The following TANC1 variants were observed in gnomAD, a reference collection of about 807,000 sequenced individuals.
TANC1 encodes the protein tetratricopeptide repeat, ankyrin repeat and coiled-coil containing 1.
In TANC1, 77 loss-of-function variants were observed where a neutral mutation model predicts 149.7. The ratio of observed to expected loss-of-function variants is 0.51; its 90% confidence interval spans 0.43 to 0.62. The LOEUF (loss-of-function observed/expected upper bound fraction) is 0.62. Among genes scored for constraint, TANC1 ranks in the 20% least tolerant of loss-of-function variants. The pLI is 0.00. For synonymous variants in TANC1, 854 were observed against 925.0 expected (o/e 0.92, Z 1.39); for missense variants, 1,985 against 2,321.8 (o/e 0.85, Z 2.98).
chr2:159,058,959 A>G (rs2042041020), intron 2 of TANC1, among the ~76,000 whole-genome samples: 1 of 152,184 alleles, frequency 6.6e-6, no homozygotes, highest in Admixed American at 6.5e-5. Context: ...GAACTTAAGC[A>G]TTTGATTTCC....
chr2:159,039,585 A>C (rs1297156005), intron 2 of TANC1, among the ~76,000 whole-genome samples: 1 of 152,078 alleles, frequency 6.6e-6, no homozygotes, highest in African/African-American at 2.4e-5. Flanking sequence ...AAACGTCTTT[A>C]TTTCTGCCTT....
At chr2:159,146,526 G>A (rs13024381) in intron 5 of TANC1, among the ~76,000 whole-genome samples, 35,232 of 145,084 alleles carry the variant, frequency 0.24, 5,262 homozygotes, top group Non-Finnish European at 0.35. Context: ...GAATTTGGGT[G>A]TCCCTTTTCC....
chr2:158,984,148 C>T (rs920846732), intron 1 of TANC1, among the ~76,000 whole-genome samples: 2 of 152,228 alleles, frequency 1.3e-5, no homozygotes, highest in Admixed American at 1.3e-4. Context: ...GAGCTTTTTA[C>T]ACTTTTCCTC....
intron 22 of TANC1, among the ~76,000 whole-genome samples, chr2:159,222,787 T>C (rs1380146740): frequency 6.6e-6 from 1 of 152,250 alleles, no homozygotes; most frequent in Non-Finnish European, 1.5e-5. Context: ...ATAGTGATTG[T>C]ATTTTTAATT....
intron 14 of TANC1, among the ~76,000 whole-genome samples, chr2:159,181,815 G>A (rs578040158): frequency 2.4e-4 from 37 of 152,230 alleles, no homozygotes; most frequent in African/African-American, 6.7e-4. Context: ...ATCTTAAGAC[G>A]ATGTACTACC....
chr2:159,069,012 A>G (rs939782371), intron 3 of TANC1, among the ~76,000 whole-genome samples: 2 of 152,202 alleles, frequency 1.3e-5, no homozygotes, highest in African/African-American at 4.8e-5. Flanking sequence ...AAGTGCTAGG[A>G]TTACAAATAT....
chr2:159,100,526 T>C (rs2046574890), intron 4 of TANC1, among the ~76,000 whole-genome samples: 1 of 152,256 alleles, frequency 6.6e-6, no homozygotes, highest in African/African-American at 2.4e-5. Flanking sequence ...TTAATAGTTC[T>C]GAAACATACA....
intron 19 of TANC1, among the ~76,000 whole-genome samples, chr2:159,199,403 C>T (rs935338157): frequency 3.3e-5 from 5 of 152,184 alleles, no homozygotes; most frequent in African/African-American, 4.8e-5. Context: ...CTGTGCATGG[C>T]GAGCCAGGCA....
At chr2:159,138,289 G>A (rs1308170848) in intron 5 of TANC1, among the ~76,000 whole-genome samples, 2 of 152,208 alleles carry the variant, frequency 1.3e-5, no homozygotes, top group East Asian at 3.8e-4. Context: ...AGCAGGTGTA[G>A]TTCACGTCTG....
chr2:159,071,789 C>G (rs2043176011), intron 3 of TANC1, among the ~76,000 whole-genome samples: 2 of 152,168 alleles, frequency 1.3e-5, no homozygotes, highest in African/African-American at 4.8e-5. Flanking sequence ...AGTGCAGTGA[C>G]TCTCTTGCTG....
intron 19 of TANC1, among the ~76,000 whole-genome samples, chr2:159,203,721 C>G (rs202135241): frequency 6.6e-6 from 1 of 152,146 alleles, no homozygotes; most frequent in African/African-American, 2.4e-5. Flanking sequence ...CATGAGCCAC[C>G]ACACCTGGCT....
intron 1 of TANC1, among the ~76,000 whole-genome samples, chr2:158,994,094 AG>A (rs1305881924): frequency 2.0e-5 from 3 of 152,116 alleles, no homozygotes; most frequent in African/African-American, 7.2e-5. Context: ...TTTCTATCTC[AG>A]GGTAATGGAG....
rs142487211 is a variant in TANC1 at position 159,045,185 on chromosome 2, G to A, written c.-15-20711G>A. The stretch of plus-strand genomic sequence containing the variant: ...TAAGATAGCCACATATGGGCCGGGC[G>A]CAGTGGCTCACTCCTGTAATCCTAG... On this transcript the variant is annotated intron_variant, in intron 2 of 26. Coordinates refer to ENST00000263635, the MANE Select transcript of TANC1 (RefSeq NM_033394.3). 6.6e-5 allele frequency among the ~76,000 whole-genome samples: 10 copies of A among 152,284 alleles called. No individual in the cohort carries two copies. The East Asian group carries it at 9.7e-4, about 15-fold the overall frequency.
intron 4 of TANC1, among the ~76,000 whole-genome samples, chr2:159,116,430 A>AAACAACAACAGCAACAAC (rs374865205): frequency 1.3e-5 from 2 of 148,610 alleles, no homozygotes; most frequent in Non-Finnish European, 3.0e-5. Context: ...CAGTCTCAAA[A>AAACAACAACAGCAACAAC]AACAACAACA....
intron 4 of TANC1, among the ~76,000 whole-genome samples, chr2:159,131,514 C>A (rs1239076736): frequency 6.8e-6 from 1 of 147,260 alleles, no homozygotes; most frequent in African/African-American, 2.5e-5. Flanking sequence ...TCCCCCTCCC[C>A]CCGCCCCTTC....
chr2:159,093,708 T>A (rs955687999), intron 3 of TANC1, among the ~76,000 whole-genome samples: 1 of 152,140 alleles, frequency 6.6e-6, no homozygotes, highest in African/African-American at 2.4e-5. Context: ...TATAGTGAGA[T>A]GGTAAAGTAA....
At chr2:159,157,066 C>T (rs767708027) in intron 7 of TANC1, among the ~76,000 whole-genome samples, 1 of 152,194 alleles carries the variant, frequency 6.6e-6, no homozygotes, top group Non-Finnish European at 1.5e-5. Flanking sequence ...AGCCAGCATA[C>T]GGGGCTCCCA....
intron 4 of TANC1, among the ~76,000 whole-genome samples, chr2:159,133,456 A>G (rs972361937): frequency 1.3e-5 from 2 of 151,594 alleles, no homozygotes; most frequent in African/African-American, 4.9e-5. Context: ...CTGGGCTTAC[A>G]AGACCCTCCT....
chr2:159,098,262 C>T (rs1027197633), intron 4 of TANC1, among the ~76,000 whole-genome samples: 1 of 152,162 alleles, frequency 6.6e-6, no homozygotes, highest in Non-Finnish European at 1.5e-5. Flanking sequence ...ATACTTGCCA[C>T]TACATTAATA....
Sources: gnomAD v4.1 joint callset for allele counts (sites outside exome capture counted in the v4.1 genomes callset) on GRCh38, gnomAD v4.1.1 for gene constraint, MANE v1.5 for transcripts, NCBI Gene and HGNC (gene_info 2026-07-23, HGNC 2026-07-21) for gene names.